Variants in LYST observed in about 807,000 individuals in gnomAD.
LYST encodes the protein lysosomal trafficking regulator.
A neutral mutation model predicts 413.6 loss-of-function variants in LYST; 192 were observed. The ratio of observed to expected loss-of-function variants is 0.46; its 90% CI spans 0.41 to 0.52. The LOEUF (loss-of-function observed/expected upper bound fraction) is 0.52. Among genes scored for constraint, LYST ranks in the 20% least tolerant of loss-of-function variants. LYST has a pLI of 0.00. For missense variants in LYST, 3,815 were observed against 4,499.9 expected (o/e 0.85, Z 4.35); for synonymous variants, 1,525 against 1,567.3 (o/e 0.97, Z 0.64).
intron 13 of LYST, among the ~76,000 whole-genome samples, chr1:235,787,708 T>C (rs1670574576): frequency 6.6e-6 from 1 of 152,178 alleles, no homozygotes; most frequent in Admixed American, 6.5e-5. Flanking sequence ...ATTATTTGGT[T>C]CATAGAAAAA....
chr1:235,715,068 A>C, intron 42 of LYST, 133 bp downstream of exon 42: 1 of 843,238 alleles, frequency 1.2e-6, no homozygotes, highest in Non-Finnish European at 1.9e-6. Flanking sequence ...TGGGCAAGGA[A>C]TAAATAGAAT....
chr1:235,779,333 C>G (rs557113961), intron 16 of LYST, among the ~76,000 whole-genome samples: 2 of 152,058 alleles, frequency 1.3e-5, no homozygotes, highest in Non-Finnish European at 2.9e-5. Flanking sequence ...ACCTATATAC[C>G]GTTCAGGAAA....
chr1:235,867,579 C>G (rs138037849), upstream of LYST, among the ~76,000 whole-genome samples: 32 of 152,334 alleles, frequency 2.1e-4, no homozygotes, highest in African/African-American at 7.2e-4. Context: ...ACAGTGCGCA[C>G]TGTCAGTGTC....
chr1:235,861,780 T>C (rs975739828), intron 1 of LYST, among the ~76,000 whole-genome samples: 2 of 152,212 alleles, frequency 1.3e-5, no homozygotes, highest in Admixed American at 1.3e-4. Flanking sequence ...GCACAAGCCA[T>C]GGCTCCTGGC....
chr1:235,777,024 C>T (rs760439692), intron 17 of LYST, 39 bp downstream of exon 17: 4 of 1,584,116 alleles, frequency 2.5e-6, no homozygotes, highest in Admixed American at 1.7e-5. Context: ...ATAAGTAAGT[C>T]ATTTCTCTTT....
intron 50 of LYST, among the ~76,000 whole-genome samples, chr1:235,668,753 C>T (rs1362589700): frequency 6.6e-6 from 1 of 152,176 alleles, no homozygotes; most frequent in Non-Finnish European, 1.5e-5. Flanking sequence ...TATATTATTT[C>T]CCCAGTATTC....
chr1:235,678,649 A>G (rs1375715845), intron 48 of LYST, among the ~76,000 whole-genome samples: 1 of 152,214 alleles, frequency 6.6e-6, no homozygotes, highest in Non-Finnish European at 1.5e-5. Flanking sequence ...AAATCTTAAC[A>G]TTTTATATTA....
At chr1:235,690,198 A>C (rs1223391084) in intron 47 of LYST, among the ~76,000 whole-genome samples, 2 of 152,230 alleles carry the variant, frequency 1.3e-5, no homozygotes, top group East Asian at 3.8e-4. Flanking sequence ...ATTACTGATG[A>C]CAGCAATGAG....
In LYST at chr1:235,688,309, A is replaced by G. The variant is rs113179189; in HGVS notation, c.10702-1262T>C. Among the ~76,000 whole-genome samples the G allele has an allele frequency of 2.2e-3, 336 of 152,352 alleles. 3 individuals carry two copies. Among genetic ancestry groups the G allele is most frequent in the African/African-American group, 7.8e-3 (325 of 41,570 alleles). On this transcript the variant is annotated intron_variant, in intron 47 of 52. Coordinates refer to ENST00000389793, the MANE Select transcript of LYST (RefSeq NM_000081.4). ...AAAATTATTTCATCACTACTCATCA[A>G]TTATTCCTAAATACGCAAAAAACAA...
chr1:235,751,439 T>C, intron 27 of LYST, 77 bp from the exon 28 acceptor site: 2 of 1,202,708 alleles, frequency 1.7e-6, no homozygotes, highest in South Asian at 1.2e-5. Flanking sequence ...TTATGTATCA[T>C]GACAATAATG....
rs1666957230 is a variant in LYST at position 235,755,511 on chromosome 1, A to G, written c.7196T>C (p.Met2399Thr). Residue 2399 changes from methionine to threonine, a missense_variant, in exon 25 of 53, where the codon ATG (methionine) becomes ACG (threonine). Physicochemically the swap from Met to Thr is moderately conservative, Grantham distance 81. Around this residue, in one of 4 missense-constraint regions of LYST, gnomAD observed 771 missense variants for 837.1 expected, o/e 0.92. Transcript: ENST00000389793. ...AAGGCCAATATGTCGACCAAAGAAC[A>G]TTTCGATGAAGCATTCTAACAATTC... The part of the protein sequence containing the change: ...TQELLECFIE[M>T]FFGRHIGLDE... 1 of 1,613,824 alleles carries G rather than the reference A, an allele frequency of 6.2e-7. No homozygotes were observed. The highest frequency in any genetic ancestry group is 1.3e-5 in the African/African-American group (1 of 74,938).
At chr1:235,780,085 A>C (rs1313306741) in intron 16 of LYST, among the ~76,000 whole-genome samples, 1 of 152,172 alleles carries the variant, frequency 6.6e-6, no homozygotes, top group African/African-American at 2.4e-5. Flanking sequence ...TTTGAAAGCA[A>C]AATTCCTAAT....
chr1:235,670,914 AAACAAAAACTACAAAG>A (rs1176140495), intron 50 of LYST, among the ~76,000 whole-genome samples: 1 of 152,222 alleles, frequency 6.6e-6, no homozygotes, highest in African/African-American at 2.4e-5. Context: ...AACCCTAGTA[AAACAAAAACTACAAAG>A]AGCAAAGCAG....
At chr1:235,828,565 G>T (rs1199890678) in intron 3 of LYST, 2 of 164,464 alleles carry the variant, frequency 1.2e-5, no homozygotes, top group Non-Finnish European at 2.5e-5. Flanking sequence ...ATTATATAAT[G>T]CTCCAATTAT....
In LYST at chr1:235,664,030, G is replaced by A. The variant is rs773266877; in HGVS notation, c.11221C>T (p.Pro3741Ser). 6.2e-7 allele frequency: 1 copy of A among 1,613,250 alleles called. No individual in the cohort carries two copies. Among genetic ancestry groups the A allele is most frequent in the Admixed American group, 1.7e-5 (1 of 60,016 alleles). The change falls in exon 52 of 53, where the codon CCT becomes TCT. Residue 3741 changes from proline to serine, a missense_variant. Coordinates refer to ENST00000389793, the MANE Select transcript of LYST (RefSeq NM_000081.4). The surrounding 1 kb of genome is among the most constrained non-coding windows in gnomAD (Gnocchi z 4.5). ...TTGGGAAATGTAATTTCTCTCACAG[G>A]CTTTAAGTCCCATGTGCTCCATAAC... Reference protein sequence around the residue: ...VRLWSTWDLKPVREITFPKSN... With the variant: ...VRLWSTWDLKSVREITFPKSN...
chr1:235,768,708 C>T (rs1668371161), intron 20 of LYST, among the ~76,000 whole-genome samples: 1 of 151,972 alleles, frequency 6.6e-6, no homozygotes, highest in African/African-American at 2.4e-5. Flanking sequence ...ACTTTTCTGA[C>T]ATGCAAAGAC....
At chr1:235,693,628 G>A in intron 46 of LYST, 142 bp from the exon 47 acceptor site, 4 of 865,232 alleles carry the variant, frequency 4.6e-6, no homozygotes, top group Non-Finnish European at 5.4e-6. Context: ...TCTCTAAAAT[G>A]GAACAATTTT....
intron 26 of LYST, among the ~76,000 whole-genome samples, chr1:235,752,627 G>A (rs1666611416): frequency 1.3e-5 from 2 of 151,922 alleles, no homozygotes; most frequent in South Asian, 4.2e-4. Context: ...TATAAATTAG[G>A]GTTATTTTTA....
intron 3 of LYST, among the ~76,000 whole-genome samples, chr1:235,821,343 G>C (rs1674728058): frequency 6.6e-6 from 1 of 152,188 alleles, no homozygotes; most frequent in Non-Finnish European, 1.5e-5. Context: ...AGGCTGAGGT[G>C]GGAGGATTGC....
Sources: gnomAD v4.1 joint callset for allele counts (sites outside exome capture counted in the v4.1 genomes callset) on GRCh38, gnomAD v4.1.1 for gene constraint, gnomAD v4.1.1 regional missense constraint, Gnocchi (gnomAD v3.1) non-coding constraint, MANE v1.5 for transcripts, NCBI Gene and HGNC (gene_info 2026-07-23, HGNC 2026-07-21) for gene names.